Variants in AIG1 observed in about 807,000 individuals in gnomAD.
The protein encoded by AIG1 is androgen induced 1, also known as androgen-induced gene 1 protein.
In AIG1, 23 loss-of-function variants were observed where a neutral mutation model predicts 31.4. That is an observed-to-expected ratio of 0.73 (90% CI 0.53 to 1.04). The LOEUF (loss-of-function observed/expected upper bound fraction) is 1.04, where lower values mean the gene tolerates loss of function less well. Ranked by LOEUF, AIG1 falls within the 50% of genes least tolerant of loss-of-function variation. The probability of loss-of-function intolerance (pLI) is 0.00; values close to 1 mark genes in which losing one functional copy is unlikely to be tolerated. For missense variants in AIG1, 274 were observed against 295.0 expected (o/e 0.93, Z 0.52); for synonymous variants, 100 against 110.5 (o/e 0.90, Z 0.60).
chr6:143,187,862 G>T (rs1789416957), intron 3 of AIG1: 1 of 1,425,898 alleles, frequency 7.0e-7, no homozygotes, highest in Non-Finnish European at 9.1e-7. Flanking sequence ...GTACAGAAGG[G>T]TATCCGCAGC....
intron 1 of AIG1, among the ~76,000 whole-genome samples, chr6:143,112,270 T>A (rs1781340597): frequency 6.6e-6 from 1 of 152,154 alleles, no homozygotes; most frequent in African/African-American, 2.4e-5. Flanking sequence ...ATCCACAACT[T>A]CTTCTGTGGG....
At chr6:143,087,556 G>C (rs1688701973) in intron 1 of AIG1, among the ~76,000 whole-genome samples, 1 of 152,194 alleles carries the variant, frequency 6.6e-6, no homozygotes, top group Non-Finnish European at 1.5e-5. Context: ...GTCAGCGGCG[G>C]GTCTGCGACG....
intron 3 of AIG1, among the ~76,000 whole-genome samples, chr6:143,283,304 G>T (rs1422410365): frequency 1.3e-5 from 2 of 152,108 alleles, no homozygotes; most frequent in South Asian, 2.1e-4. Context: ...CAGCTTCTTG[G>T]GATTCTGCCT....
At chr6:143,163,523 C>A (rs931801947) in intron 2 of AIG1, among the ~76,000 whole-genome samples, 1 of 152,150 alleles carries the variant, frequency 6.6e-6, no homozygotes, top group Non-Finnish European at 1.5e-5. Context: ...CTCATTTTCA[C>A]GGACCTCAGG....
chr6:143,209,972 T>C (rs964333039), intron 3 of AIG1, among the ~76,000 whole-genome samples: 2 of 152,208 alleles, frequency 1.3e-5, no homozygotes, highest in Non-Finnish European at 2.9e-5. Flanking sequence ...CACTAGTTGA[T>C]ACAGTTTGGC....
intron 2 of AIG1, among the ~76,000 whole-genome samples, chr6:143,139,073 G>C (rs1784026880): frequency 6.6e-6 from 1 of 151,812 alleles, no homozygotes; most frequent in South Asian, 2.1e-4. Flanking sequence ...ACCTTCCTTT[G>C]GGGGAAACTT....
intron 3 of AIG1, among the ~76,000 whole-genome samples, chr6:143,185,620 G>A (rs1172880420): frequency 6.6e-6 from 1 of 152,096 alleles, no homozygotes; most frequent in Non-Finnish European, 1.5e-5. Flanking sequence ...TACCTCTCCT[G>A]TAGCATCTGT....
intron 3 of AIG1, among the ~76,000 whole-genome samples, chr6:143,230,224 G>A (rs577756548): frequency 1.3e-5 from 2 of 152,000 alleles, no homozygotes; most frequent in South Asian, 4.1e-4. Flanking sequence ...GATTTTAGGG[G>A]CATAGTGGGG....
chr6:143,210,370 G>C (rs905640304), intron 3 of AIG1, among the ~76,000 whole-genome samples: 3 of 152,176 alleles, frequency 2.0e-5, no homozygotes, highest in Non-Finnish European at 4.4e-5. Flanking sequence ...TGAGTGTCAA[G>C]TGAATAATTG....
At position 143,223,983 on chromosome 6, in the gene AIG1, A is replaced by G. The variant is rs542446920; in HGVS notation, c.399+58800A>G. Reference sequence around the variant, plus strand: ...GGGAAATTATGATAGCCCTCATAAGACCTCCTCCTCCTCCCGAACGTCTCC... The same window carrying G: ...GGGAAATTATGATAGCCCTCATAAGGCCTCCTCCTCCTCCCGAACGTCTCC... On this transcript the variant is annotated intron_variant, in intron 3 of 5. Transcript: ENST00000357847. Among the ~76,000 whole-genome samples the G allele has an allele frequency of 3.3e-5, 5 of 151,716 alleles. No individual in the cohort carries two copies. In the East Asian group the frequency reaches 9.7e-4, roughly 29 times the overall value.
At chr6:143,152,165 A>C (rs185492544) in intron 2 of AIG1, among the ~76,000 whole-genome samples, 1 of 152,192 alleles carries the variant, frequency 6.6e-6, no homozygotes, top group African/African-American at 2.4e-5. Flanking sequence ...AGAGGCATTG[A>C]CACATAGTCA....
chr6:143,279,816 G>T lies in AIG1; in HGVS notation c.400-4294G>T. Among the ~76,000 whole-genome samples the T allele has an allele frequency of 6.6e-6, 1 of 152,170 alleles. No individual in the cohort carries two copies. On this transcript the variant is annotated intron_variant, in intron 3 of 5. Transcript: ENST00000357847. This position sits in a 1 kb window ranked among gnomAD's most constrained non-coding sequence, Gnocchi z 5.4. ...CTCCTCATTAAAACTAGCTAAAATG[G>T]ATGATAGAGCTTGGGATAGGTTCAC...
At chr6:143,204,003 A>C (rs1254165318) in intron 3 of AIG1, among the ~76,000 whole-genome samples, 1 of 152,192 alleles carries the variant, frequency 6.6e-6, no homozygotes, top group Non-Finnish European at 1.5e-5. Flanking sequence ...ATTGTATAAC[A>C]TGGTGGGACT....
At chr6:143,188,170 G>C (rs920428873) in intron 3 of AIG1, 2 of 999,214 alleles carry the variant, frequency 2.0e-6, no homozygotes, top group Non-Finnish European at 2.4e-6. Flanking sequence ...ATGGGAGGAA[G>C]AGGTATCTCT....
intron 3 of AIG1, among the ~76,000 whole-genome samples, chr6:143,263,556 T>G (rs1450678686): frequency 6.6e-6 from 1 of 152,204 alleles, no homozygotes; most frequent in Non-Finnish European, 1.5e-5. Flanking sequence ...TAAAGAACAT[T>G]CTAAAAAATA....
At chr6:143,188,814 G>A (rs1489916179) in intron 3 of AIG1, 22 of 985,120 alleles carry the variant, frequency 2.2e-5, no homozygotes, top group Non-Finnish European at 2.5e-5. Flanking sequence ...ACTGGCAATA[G>A]CAACTTCCCA....
chr6:143,276,620 C>T (rs979549991), intron 3 of AIG1, among the ~76,000 whole-genome samples: 4 of 151,988 alleles, frequency 2.6e-5, no homozygotes, highest in African/African-American at 9.7e-5. Flanking sequence ...AGAGGGAGAC[C>T]CATGACAAGA....
intron 3 of AIG1, chr6:143,189,728 C>G: frequency 1.0e-6 from 1 of 985,358 alleles, no homozygotes; most frequent in Non-Finnish European, 1.2e-6. Flanking sequence ...CCTCAAAACC[C>G]TCATCCCTAA....
chr6:143,133,427 CT>C (rs1422267600), intron 1 of AIG1, among the ~76,000 whole-genome samples: 1 of 152,062 alleles, frequency 6.6e-6, no homozygotes, highest in Admixed American at 6.6e-5. Flanking sequence ...ATTGTTTAGC[CT>C]ATTGCTTGTA....
Sources: allele counts gnomAD v4.1 joint callset (sites outside exome capture counted in the v4.1 genomes callset), GRCh38; gene constraint gnomAD v4.1.1; non-coding constraint Gnocchi (gnomAD v3.1); transcripts MANE v1.5; gene names NCBI Gene and HGNC (gene_info 2026-07-23, HGNC 2026-07-21).